Variants in KIAA0930 observed in about 807,000 individuals in gnomAD.
KIAA0930 encodes KIAA0930, also known as uncharacterized protein KIAA0930.
KIAA0930 carries 24 observed loss-of-function variants against 43.9 expected under a neutral mutation model. The ratio of observed to expected loss-of-function variants is 0.55; its 90% confidence interval spans 0.40 to 0.77. KIAA0930 has a LOEUF of 0.77. Ranked by LOEUF, KIAA0930 falls within the 30% of genes least tolerant of loss-of-function variation. The pLI is 0.00. For missense variants in KIAA0930, 461 were observed against 574.2 expected, an observed-to-expected ratio of 0.80 and a Z score of 2.02; for synonymous variants, 259 against 216.4, an observed-to-expected ratio of 1.20 and a Z score of -1.73.
intron 1 of KIAA0930, among the ~76,000 whole-genome samples, chr22:45,228,742 CT>C (rs2083820741): frequency 5.3e-5 from 4 of 74,914 alleles, no homozygotes; most frequent in African/African-American, 1.4e-4. Context: ...CTCCACCCCC[CT>C]ACCACCACTC....
chr22:45,236,647 C>T (rs5766582), intron 1 of KIAA0930, among the ~76,000 whole-genome samples: 57,282 of 151,920 alleles, frequency 0.38, 12,495 homozygotes, highest in South Asian at 0.5. Context: ...CTCACCTCTG[C>T]GCAGGGTTAA....
Position 45,199,919 on chromosome 22 carries a change from G to A in KIAA0930, c.969C>T (p.His323=), listed in dbSNP as rs748439722. The change falls in exon 8 of 10, where the codon CAC becomes CAT. Residue 323 remains histidine, a synonymous_variant. Transcript: ENST00000336156. ...RNRIAEMKKS[H]SANDSEEFFR... is the part of the protein sequence containing the mutation. ...AGAACTCCTCGCTGTCGTTGGCCGA[G>A]TGCGACTTCTTCATCTCAGCGATCC... 3 of 1,606,164 alleles carry A rather than the reference G, an allele frequency of 1.9e-6. No homozygotes were observed. The highest frequency in any genetic ancestry group is 2.6e-6 in the Non-Finnish European group (3 of 1,175,188).
rs181879485 is a variant in KIAA0930 at position 45,201,610 on chromosome 22, G to A, written c.852+1380C>T. On this transcript the variant is annotated intron_variant, in intron 7 of 9. Coordinates refer to ENST00000336156, the MANE Select transcript of KIAA0930 (RefSeq NM_001009880.2). ...GGAGAAGAACCAGGCCCTTTATCTC[G>A]GAAACAAACTCAGAAATATAAACCA... Among the ~76,000 whole-genome samples the A allele has an allele frequency of 1.5e-3, 230 of 152,236 alleles. 1 individual carries two copies. The highest frequency in any genetic ancestry group is 5.4e-3 in the African/African-American group (224 of 41,532).
chr22:45,212,857 C>A (rs189402472), intron 1 of KIAA0930, among the ~76,000 whole-genome samples: 211 of 152,292 alleles, frequency 1.4e-3, no homozygotes, highest in African/African-American at 4.8e-3. Context: ...ACAGGTTCCT[C>A]GGGGCACATG....
chr22:45,231,224 A>C (rs80165518), intron 1 of KIAA0930, among the ~76,000 whole-genome samples: 1 of 71,812 alleles, frequency 1.4e-5, no homozygotes, highest in East Asian at 4.8e-4. Flanking sequence ...TCCGTCTCAG[A>C]AAAAAAAAAA....
At position 45,199,863 on chromosome 22, in the gene KIAA0930, G is replaced by C. The variant is rs112060481; in HGVS notation, c.1015+10C>G. 33 of 1,557,130 alleles carry C rather than the reference G, an allele frequency of 2.1e-5. No individual in the cohort carries two copies. The highest frequency in any genetic ancestry group is 4.7e-5 in the South Asian group (4 of 84,982). On this transcript the variant is annotated intron_variant, in intron 8 of 9. Coordinates refer to ENST00000336156, the MANE Select transcript of KIAA0930 (RefSeq NM_001009880.2). ...GCACGGGGACCCTAGGGCACGGAGT[G>C]GGGGGTCACCTCCACCGTCGTCCTC... is the stretch of plus-strand genomic sequence containing the variant.
chr22:45,240,482 G>C (rs1267951462), intron 1 of KIAA0930, among the ~76,000 whole-genome samples, 158 bp downstream of exon 1: 2 of 152,064 alleles, frequency 1.3e-5, no homozygotes, highest in Non-Finnish European at 1.5e-5. Flanking sequence ...GGTGGGGGGG[G>C]GGCCATGGAG....
intron 1 of KIAA0930, 70 bp downstream of exon 1, chr22:45,240,570 C>T: frequency 9.0e-7 from 1 of 1,109,516 alleles, no homozygotes; most frequent in Non-Finnish European, 1.3e-6. Flanking sequence ...CACAGAAACA[C>T]GGACGCGCAG....
At position 45,205,695 on chromosome 22, in the gene KIAA0930, C is replaced by T. The variant is rs1232028263; in HGVS notation, c.349G>A (p.Val117Met). Residue 117 changes from valine to methionine, a missense_variant, in exon 4 of 10, where the codon GTG becomes ATG. Transcript: ENST00000336156. ...NLILQKLDYMVTCAVCTRADG... is the reference protein window; with the variant it reads ...NLILQKLDYMMTCAVCTRADG... ...GCACGTGTGCACACCGCACAGGTCA[C>T]CATGTAGTCCAGCTGGAAGAGAGCA... The T allele has an allele frequency of 6.2e-7, 1 of 1,614,036 alleles. No homozygotes were observed. The highest frequency in any genetic ancestry group is 1.3e-5 in the African/African-American group (1 of 74,916).
chr22:45,209,058 T>C (rs1032805783), intron 2 of KIAA0930, among the ~76,000 whole-genome samples: 2 of 152,202 alleles, frequency 1.3e-5, no homozygotes, highest in Non-Finnish European at 2.9e-5. Flanking sequence ...CATCCCTCCC[T>C]GGGAAAGGCT....
intron 8 of KIAA0930, among the ~76,000 whole-genome samples, chr22:45,198,204 T>C (rs1448940603): frequency 2.0e-5 from 3 of 152,168 alleles, no homozygotes; most frequent in Non-Finnish European, 4.4e-5. Flanking sequence ...CTCTCTCTTC[T>C]CTGTCACAAG....
At chr22:45,227,243 C>T (rs2083807670) in intron 1 of KIAA0930, among the ~76,000 whole-genome samples, 1 of 152,216 alleles carries the variant, frequency 6.6e-6, no homozygotes, top group Non-Finnish European at 1.5e-5. Context: ...GCGGCTCTGC[C>T]TTCCCAGGGG....
chr22:45,205,587 A>G, intron 4 of KIAA0930, 43 bp downstream of exon 4: 2 of 1,578,188 alleles, frequency 1.3e-6, no homozygotes, highest in Non-Finnish European at 1.7e-6. Context: ...GCCCAGCCTG[A>G]ACTGGCAGTT....
At chr22:45,206,590 CA>C (rs1367378850) in intron 2 of KIAA0930, among the ~76,000 whole-genome samples, 22 of 152,200 alleles carry the variant, frequency 1.4e-4, no homozygotes, top group Admixed American at 2.0e-4. Context: ...ATGCAGGTAT[CA>C]TTAGCCCCAT....
rs1204898351 is a variant in KIAA0930, at chr22:45,194,642, GT to G, written c.*2533del. Reference sequence around the variant, plus strand: ...GTTACTCTATTACTTTATTCCACATGTCATCTGTTACTTTGGAAAAACAAAC... The same window carrying G: ...GTTACTCTATTACTTTATTCCACATGCATCTGTTACTTTGGAAAAACAAAC... On this transcript the variant is annotated 3_prime_UTR_variant, in exon 10 of 10. Transcript: ENST00000336156. The G allele has an allele frequency of 3.3e-5, 5 of 152,192 alleles. No individual in the cohort carries two copies. Among genetic ancestry groups the G allele is most frequent in the Admixed American group, 6.5e-5 (1 of 15,286 alleles). 9.4% of individuals were successfully genotyped at this position (152,192 alleles called of 1,614,324 possible).
At chr22:45,227,973 C>T (rs1243327262) in intron 1 of KIAA0930, among the ~76,000 whole-genome samples, 1 of 151,842 alleles carries the variant, frequency 6.6e-6, no homozygotes, top group Non-Finnish European at 1.5e-5. Flanking sequence ...GACCCCTACA[C>T]CCCTGGTAGG....
intron 1 of KIAA0930, among the ~76,000 whole-genome samples, chr22:45,230,674 C>A (rs140902338): frequency 6.6e-6 from 1 of 151,524 alleles, no homozygotes; most frequent in Non-Finnish European, 1.5e-5. Flanking sequence ...CTCCGCCTCC[C>A]GGGTTCATGC....
At chr22:45,219,586 T>TG (rs1246385438) in intron 1 of KIAA0930, among the ~76,000 whole-genome samples, 2 of 103,778 alleles carry the variant, frequency 1.9e-5, no homozygotes, top group Non-Finnish European at 3.9e-5. Context: ...GTGATTGTTT[T>TG]TTTTTTTTTT....
chr22:45,216,867 T>C (rs1203604880), intron 1 of KIAA0930, among the ~76,000 whole-genome samples: 1 of 152,146 alleles, frequency 6.6e-6, no homozygotes, highest in Non-Finnish European at 1.5e-5. Flanking sequence ...CTCACGGCCC[T>C]GCCTTCCCTC....
Sources: allele counts gnomAD v4.1 joint callset (sites outside exome capture counted in the v4.1 genomes callset), GRCh38; gene constraint gnomAD v4.1.1; transcripts MANE v1.5; gene names NCBI Gene and HGNC (gene_info 2026-07-23, HGNC 2026-07-21).